Variants in DMD observed in about 807,000 individuals in gnomAD.
DMD encodes the protein mutant dystrophin.
Under a neutral mutation model 330.1 loss-of-function variants are expected in DMD, and 63 were observed. That is an observed-to-expected ratio of 0.19 (90% CI 0.16 to 0.24). DMD has a LOEUF of 0.24. Ranked by LOEUF, DMD falls within the 10% of genes least tolerant of loss-of-function variation. The pLI is 1.00. For synonymous variants in DMD, 1,223 were observed against 959.8 expected, an observed-to-expected ratio of 1.27 and a Z score of -5.07; for missense variants, 3,344 against 2,684.1, an observed-to-expected ratio of 1.25 and a Z score of -5.43.
At chrX:31,627,958 T>C (rs2078934918) in intron 54 of DMD, 96 bp from the exon 55 acceptor site, 1 of 815,011 alleles carries the variant, frequency 1.2e-6, no homozygotes, top group African/African-American at 2.0e-5. Context: ...AACTAAATTG[T>C]AATATACCAA....
At chrX:31,366,375 T>G (rs1346008954) in intron 60 of DMD, among the ~76,000 whole-genome samples, 1 of 99,718 alleles carries the variant, frequency 1.0e-5, no homozygotes, top group East Asian at 3.2e-4. Context: ...AAAGTGGTTT[T>G]GAACCCTTGT....
chrX:33,080,009 A>G (rs1409278251), intron 1 of DMD, among the ~76,000 whole-genome samples: 2 of 112,534 alleles, frequency 1.8e-5, no homozygotes, highest in Non-Finnish European at 3.7e-5. Context: ...TCATGTTCGC[A>G]TTAGTGCATC....
intron 51 of DMD, among the ~76,000 whole-genome samples, chrX:31,748,498 T>C (rs1220238292): frequency 1.8e-5 from 2 of 111,959 alleles, no homozygotes; most frequent in Non-Finnish European, 3.8e-5. Flanking sequence ...ATTTATGTAA[T>C]ATTCCCCATT....
chrX:31,968,491 C>T lies in DMD; in HGVS notation c.6462G>A (p.Gln2154=), dbSNP rs762777406. ...YLKELQDGIG[Q]RQTVVRTLNA... is the part of the protein sequence containing the mutation. ...TCAATGTTCTGACAACAGTTTGCCG[C>T]TGCCCAATGCCATCCTGGAGTTCCT... The change falls in exon 45 of 79, where the codon CAG becomes CAA. Residue 2154 remains glutamine, a synonymous_variant. Transcript: ENST00000357033. 11 of 1,208,893 alleles carry T rather than the reference C, an allele frequency of 9.1e-6. No individual in the cohort carries two copies. In the South Asian group the frequency reaches 1.9e-4, roughly 21 times the overall value.
chrX:31,177,644 A>G (rs1215913783), intron 71 of DMD, among the ~76,000 whole-genome samples: 1 of 110,944 alleles, frequency 9.0e-6, no homozygotes, highest in Non-Finnish European at 1.9e-5. Context: ...TAAAACTCCA[A>G]TAACTTCTTT....
At chrX:32,217,389 T>C (rs1312392062) in intron 43 of DMD, among the ~76,000 whole-genome samples, 1 of 111,730 alleles carries the variant, frequency 9.0e-6, no homozygotes, top group Non-Finnish European at 1.9e-5. Context: ...TAAAAATATA[T>C]TTTTTTAATT....
At chrX:31,654,426 A>G (rs1239104525) in intron 54 of DMD, among the ~76,000 whole-genome samples, 1 of 111,916 alleles carries the variant, frequency 8.9e-6, no homozygotes, top group Non-Finnish European at 1.9e-5. Context: ...TTTCAAAGAT[A>G]TGAGATACTT....
intron 53 of DMD, among the ~76,000 whole-genome samples, chrX:31,673,157 C>T (rs2081900804): frequency 8.9e-6 from 1 of 112,290 alleles, no homozygotes; most frequent in South Asian, 3.7e-4. Context: ...CTAGTTTTCA[C>T]AGCTATTATG....
At position 31,749,360 on chromosome X, in the gene DMD, T is replaced by C. The variant is rs977771410; in HGVS notation, c.7543-19612A>G. Among the ~76,000 whole-genome samples, 41 of 95,865 alleles carry C rather than the reference T, an allele frequency of 4.3e-4. No homozygotes were observed. In the East Asian group the frequency reaches 0.013, roughly 31 times the overall value. The allele number at this position is 95,865 out of a possible 115,157, so 83.2% of individuals were successfully genotyped here. ...TTCCTGTGTCCATGTGTTCTCATTGTTCAATTCCCACCTATGAATGAGAAT... is the reference window on the plus strand; with the variant it reads ...TTCCTGTGTCCATGTGTTCTCATTGCTCAATTCCCACCTATGAATGAGAAT... On this transcript the variant is annotated intron_variant, in intron 51 of 78. Transcript: ENST00000357033.
At chrX:31,630,844 A>C (rs1170434537) in intron 54 of DMD, among the ~76,000 whole-genome samples, 1 of 112,134 alleles carries the variant, frequency 8.9e-6, no homozygotes, top group Non-Finnish European at 1.9e-5. Flanking sequence ...AATGCTTTGC[A>C]AACAGAATCT....
chrX:32,464,847 T>C, intron 23 of DMD, 148 bp from the exon 24 acceptor site: 2 of 486,112 alleles, frequency 4.1e-6, no homozygotes, highest in Admixed American at 6.0e-5. Context: ...AGAATATTTT[T>C]ACTAAGACTG....
intron 25 of DMD, among the ~76,000 whole-genome samples, chrX:32,457,711 T>A (rs1337286872): frequency 9.1e-6 from 1 of 109,625 alleles, no homozygotes; most frequent in East Asian, 2.9e-4. Context: ...AAGCTAGTTT[T>A]TTGCAGAAAG....
intron 4 of DMD, among the ~76,000 whole-genome samples, chrX:32,832,752 A>G (rs1383272981): frequency 8.9e-6 from 1 of 111,771 alleles, no homozygotes; most frequent in East Asian, 2.8e-4. Flanking sequence ...CATAAATCAT[A>G]CCTATTTTCT....
intron 63 of DMD, among the ~76,000 whole-genome samples, chrX:31,243,885 T>C (rs1259297693): frequency 8.9e-6 from 1 of 112,252 alleles, no homozygotes; most frequent in African/African-American, 3.2e-5. Context: ...AGTAGAAAAA[T>C]TGGAAACGAC....
chrX:32,039,036 G>C lies in DMD; in HGVS notation c.6439-70522C>G, dbSNP rs974872497. Among the ~76,000 whole-genome samples, 5 of 111,277 alleles carry C rather than the reference G, an allele frequency of 4.5e-5. No individual in the cohort carries two copies. The East Asian group carries it at 1.4e-3, about 32-fold the overall frequency. ...ATGTGTGTGTTTTAGATAAGTTACT[G>C]ATCTTCTCTGAGCCTAAGTTTTCTC... On this transcript the variant is annotated intron_variant, in intron 44 of 78. Coordinates refer to ENST00000357033, the MANE Select transcript of DMD (RefSeq NM_004006.3).
intron 9 of DMD, among the ~76,000 whole-genome samples, chrX:32,649,029 C>G (rs753112454): frequency 2.7e-5 from 3 of 111,118 alleles, no homozygotes; most frequent in East Asian, 5.7e-4. Context: ...GTCTTTATCA[C>G]AGTAGTTTAT....
intron 1 of DMD, among the ~76,000 whole-genome samples, chrX:33,252,173 A>G (rs1294676801): frequency 8.9e-6 from 1 of 112,252 alleles, no homozygotes; most frequent in Non-Finnish European, 1.9e-5. Context: ...AACAATTTAC[A>G]GAATGAAATG....
At chrX:31,438,134 A>G (rs1448805350) in intron 60 of DMD, among the ~76,000 whole-genome samples, 3 of 111,056 alleles carry the variant, frequency 2.7e-5, no homozygotes. Flanking sequence ...GCCTCATAGA[A>G]AAGTTAAGTG....
rs1013097675 is a variant in DMD, at chrX:32,481,285, T to C, written c.2803+3634A>G. The stretch of plus-strand genomic sequence containing the variant: ...GTTGAAATGATTTTTCTTTATCTTA[T>C]CACAACTGTAGTTTAAGGTTCAATG... On this transcript the variant is annotated intron_variant, in intron 21 of 78. Transcript: ENST00000357033. Among the ~76,000 whole-genome samples, 15 of 111,698 alleles carry C rather than the reference T, an allele frequency of 1.3e-4. No individual in the cohort carries two copies. In the East Asian group the frequency reaches 3.4e-3, roughly 25 times the overall value.
Sources: allele counts gnomAD v4.1 joint callset (sites outside exome capture counted in the v4.1 genomes callset), GRCh38; gene constraint gnomAD v4.1.1; transcripts MANE v1.5; gene names NCBI Gene and HGNC (gene_info 2026-07-23, HGNC 2026-07-21).